The following DNAH6 variants were observed in gnomAD, a reference collection of about 807,000 sequenced individuals.
The protein encoded by DNAH6 is axonemal beta dynein heavy chain 6.
Under a neutral mutation model 491.4 loss-of-function variants are expected in DNAH6, and 340 were observed. The observed-to-expected ratio is 0.69, with a 90% CI of 0.63 to 0.76. The LOEUF (loss-of-function observed/expected upper bound fraction) is 0.76. Among genes scored for constraint, DNAH6 ranks in the 30% least tolerant of loss-of-function variants. The probability of loss-of-function intolerance (pLI) is 0.00; values close to 1 mark genes in which losing one functional copy is unlikely to be tolerated. For missense variants in DNAH6, 4,443 were observed against 4,972.2 expected, an observed-to-expected ratio of 0.89 and a Z score of 3.20; for synonymous variants, 1,603 against 1,686.1, an observed-to-expected ratio of 0.95 and a Z score of 1.21.
At chr2:84,604,638 T>A in intron 19 of DNAH6, 87 bp downstream of exon 19, 1 of 1,038,612 alleles carries the variant, frequency 9.6e-7, no homozygotes, top group East Asian at 2.6e-5. Context: ...GATGTTTTTT[T>A]CAACGTTGCA....
At chr2:84,466,176 A>T in the DNAH6 span, among the ~76,000 whole-genome samples, 1 of 152,194 alleles carries the variant, frequency 6.6e-6, no homozygotes, top group Non-Finnish European at 1.5e-5. Context: ...TTCTTTACTT[A>T]CAGGCCAGAA....
At chr2:84,499,243 G>A in the DNAH6 span, among the ~76,000 whole-genome samples, 1 of 151,258 alleles carries the variant, frequency 6.6e-6, no homozygotes, top group South Asian at 2.1e-4. Flanking sequence ...GTGTATCCAT[G>A]AGTTCAATTG....
chr2:84,637,293 A>G lies in DNAH6; in HGVS notation c.4737A>G (p.Ala1579=), dbSNP rs915113718. 20 of 1,551,204 alleles carry G rather than the reference A, an allele frequency of 1.3e-5. No homozygotes were observed. Among genetic ancestry groups the G allele is most frequent in the South Asian group, 3.6e-5 (3 of 83,974 alleles). ...AAFITMNPGY[A]GRTELPDNLK... is the part of the protein sequence containing the mutation. ...TCATCACAATGAATCCTGGCTATGCAGGGAGAACTGAATTGCCAGATAATT... is the reference window on the plus strand; with the variant it reads ...TCATCACAATGAATCCTGGCTATGCGGGGAGAACTGAATTGCCAGATAATT... Residue 1579 remains alanine (A), a synonymous_variant, in exon 31 of 77, where the codon GCA becomes GCG. Transcript: ENST00000389394.
chr2:84,480,453 C>T, the DNAH6 span, among the ~76,000 whole-genome samples: 2 of 152,294 alleles, frequency 1.3e-5, no homozygotes, highest in African/African-American at 4.8e-5. Context: ...AACCTGTGTG[C>T]CTCAGCTCCT....
intron 62 of DNAH6, among the ~76,000 whole-genome samples, chr2:84,736,192 T>C (rs765982138): frequency 2.0e-5 from 3 of 152,138 alleles, no homozygotes; most frequent in Non-Finnish European, 2.9e-5. Context: ...GGGGTCTCTA[T>C]TCTGTTCCAT....
chr2:84,815,928 A>G lies in DNAH6; in HGVS notation c.12218A>G (p.Lys4073Arg). Reference sequence around the variant, plus strand: ...ATGGATGCTTCTCGATGGGATGATAAGGAGATGGTGATAGAAGATGCATTG... The same window carrying G: ...ATGGATGCTTCTCGATGGGATGATAGGGAGATGGTGATAGAAGATGCATTG... ...MFMDASRWDD[K>R]EMVIEDALPG... is the part of the protein sequence containing the mutation. The change falls in exon 76 of 77, where the codon AAG (lysine) becomes AGG (arginine). Residue 4073 changes from lysine (K) to arginine (R), a missense_variant. Transcript: ENST00000389394. The G allele has an allele frequency of 6.4e-7, 1 of 1,551,868 alleles. No homozygotes were observed. Among genetic ancestry groups the G allele is most frequent in the Non-Finnish European group, 8.7e-7 (1 of 1,147,050 alleles).
intron 3 of DNAH6, 92 bp downstream of exon 3, chr2:84,525,830 A>G (rs1676560038): frequency 1.1e-6 from 1 of 919,518 alleles, no homozygotes; most frequent in East Asian, 2.7e-5. Context: ...GAATAGAAGC[A>G]AAGTCATTTT....
At chr2:84,652,603 T>C (rs570124190) in intron 33 of DNAH6, among the ~76,000 whole-genome samples, 2 of 152,186 alleles carry the variant, frequency 1.3e-5, no homozygotes, top group South Asian at 4.1e-4. Context: ...TTTCCTGCCT[T>C]TCTTAGAAAG....
intron 36 of DNAH6, 70 bp from the exon 37 acceptor site, chr2:84,658,956 A>G (rs991660754): frequency 9.3e-6 from 9 of 970,900 alleles, no homozygotes; most frequent in Non-Finnish European, 1.2e-5. Context: ...ATATCTTTAC[A>G]CTTTGCAGCT....
At chr2:84,757,386 T>C (rs1674135544) in intron 63 of DNAH6, among the ~76,000 whole-genome samples, 1 of 152,184 alleles carries the variant, frequency 6.6e-6, no homozygotes, top group South Asian at 2.1e-4. Context: ...GAGTGAGATC[T>C]GATACGGACT....
chr2:84,670,303 A>T, intron 38 of DNAH6, 25 bp from the exon 39 acceptor site: 1 of 1,440,872 alleles, frequency 6.9e-7, no homozygotes, highest in Non-Finnish European at 9.4e-7. Context: ...TTCATGTGAC[A>T]TTAATTAACT....
intron 38 of DNAH6, among the ~76,000 whole-genome samples, chr2:84,669,824 G>A (rs1692542459): frequency 6.6e-6 from 1 of 152,150 alleles, no homozygotes; most frequent in South Asian, 2.1e-4. Flanking sequence ...ATTGGGCAGA[G>A]GAGTTTGCAT....
chr2:84,542,798 G>T (rs538460539), intron 4 of DNAH6, among the ~76,000 whole-genome samples: 1 of 152,026 alleles, frequency 6.6e-6, no homozygotes. Flanking sequence ...AAAACTTATC[G>T]TACATATATA....
At chr2:84,607,265 T>G (rs1353240641) in intron 21 of DNAH6, among the ~76,000 whole-genome samples, 170 bp downstream of exon 21, 2 of 152,212 alleles carry the variant, frequency 1.3e-5, no homozygotes, top group Non-Finnish European at 2.9e-5. Context: ...TATTAAGCTC[T>G]TCTTTATATA....
At chr2:84,622,961 G>A (rs554409390) in intron 26 of DNAH6, among the ~76,000 whole-genome samples, 1 of 151,996 alleles carries the variant, frequency 6.6e-6, no homozygotes. Context: ...TATCCGGTTA[G>A]CCCTTTATAT....
rs139595411 is a variant in DNAH6, at chr2:84,751,906, C to T, written c.10512+6657C>T. Among the ~76,000 whole-genome samples, 73 of 152,350 alleles carry T rather than the reference C, an allele frequency of 4.8e-4. 1 individual carries two copies. In the East Asian group the frequency reaches 0.013, roughly 28 times the overall value. ...ATGCTAATGCTGCGGATTTTGCAAA[C>T]ATACTTTGAGAACCACTGTTTTAAG... On this transcript the variant is annotated intron_variant, in intron 63 of 76. Coordinates refer to ENST00000389394, the MANE Select transcript of DNAH6 (RefSeq NM_001370.2).
Position 84,624,321 on chromosome 2 carries a change from C to A in DNAH6, c.4128C>A (p.Asn1376Lys). The A allele has an allele frequency of 6.4e-7, 1 of 1,551,256 alleles. No individual in the cohort carries two copies. The highest frequency in any genetic ancestry group is 8.7e-7 in the Non-Finnish European group (1 of 1,146,642). ...VQGSLPKLHR[N>K]ILTALITIDV... The stretch of plus-strand genomic sequence containing the variant: ...GCAGTCTTCCTAAATTACACAGAAA[C>A]ATCCTAACTGCATTGATTACTATTG... Residue 1376 changes from asparagine to lysine, a missense_variant, in exon 27 of 77, where the codon AAC becomes AAA. Physicochemically the swap from Asn to Lys is moderately conservative, Grantham distance 94. Coordinates refer to ENST00000389394, the MANE Select transcript of DNAH6 (RefSeq NM_001370.2).
At chr2:84,777,813 C>T in intron 64 of DNAH6, 1 of 1,150,296 alleles carries the variant, frequency 8.7e-7, no homozygotes, top group East Asian at 2.3e-5. Flanking sequence ...TTCCAAGCCA[C>T]ATAGGTCAAG....
intron 21 of DNAH6, among the ~76,000 whole-genome samples, chr2:84,611,311 G>T (rs1206906816): frequency 1.3e-5 from 2 of 151,680 alleles, no homozygotes; most frequent in African/African-American, 4.8e-5. Context: ...TTTTTTTCGT[G>T]GAAATCTTGT....
Sources: gnomAD v4.1 joint callset for allele counts (sites outside exome capture counted in the v4.1 genomes callset) on GRCh38, gnomAD v4.1.1 for gene constraint, MANE v1.5 for transcripts, NCBI Gene and HGNC (gene_info 2026-07-23, HGNC 2026-07-21) for gene names.